The following PICALM variants were observed in gnomAD, a reference collection of about 807,000 sequenced individuals.
The protein encoded by PICALM is phosphatidylinositol-binding clathrin assembly protein.
PICALM carries 40 observed loss-of-function variants against 80.5 expected under a neutral mutation model. That is an observed-to-expected ratio of 0.50 (90% CI 0.39 to 0.65). The LOEUF is 0.65. PICALM is among the 30% of genes least tolerant of loss of function. The pLI is 0.00. For synonymous variants in PICALM, 288 were observed against 260.3 expected (o/e 1.11, Z -1.02); for missense variants, 676 against 778.9 (o/e 0.87, Z 1.57).
intron 13 of PICALM, among the ~76,000 whole-genome samples, chr11:85,985,733 C>T (rs1158827980): frequency 1.3e-5 from 2 of 152,154 alleles, no homozygotes; most frequent in Admixed American, 6.5e-5. Context: ...AATTATGTGT[C>T]CATGCTATCA....
At chr11:85,976,813 C>A in intron 17 of PICALM, 131 bp from the exon 18 acceptor site, 2 of 593,934 alleles carry the variant, frequency 3.4e-6, no homozygotes, top group South Asian at 2.2e-5. Flanking sequence ...CACTTGTGAT[C>A]ATTAAGAACT....
intron 2 of PICALM, among the ~76,000 whole-genome samples, chr11:86,030,117 A>T (rs930578139): frequency 1.3e-5 from 2 of 151,856 alleles, no homozygotes; most frequent in African/African-American, 4.8e-5. Context: ...TAAAGATGAT[A>T]AAAAAATACA....
intron 18 of PICALM, among the ~76,000 whole-genome samples, chr11:85,976,003 G>C (rs975398862): frequency 2.0e-5 from 3 of 152,172 alleles, no homozygotes; most frequent in Non-Finnish European, 4.4e-5. Context: ...TAACATAGCA[G>C]GCACAGTAGC....
intron 12 of PICALM, among the ~76,000 whole-genome samples, chr11:85,992,284 G>GTT (rs5793178): frequency 2.1e-5 from 3 of 141,646 alleles, no homozygotes; most frequent in Non-Finnish European, 4.6e-5. Context: ...GGTGTGTTTT[G>GTT]TTTTTTTTTT....
At chr11:85,969,698 T>C (rs749423640) in intron 19 of PICALM, 23 of 407,480 alleles carry the variant, frequency 5.6e-5, no homozygotes, top group Admixed American at 5.5e-4. Flanking sequence ...TTTTTCTTTT[T>C]AAAAAACAGA....
chr11:85,958,216 T>G lies in PICALM; in HGVS notation c.*830A>C. ...ATTTAAAATGTAGTGCTTTTCCTAG[T>G]CAGTGAACTGTTCCCTGGCAAAATC... On this transcript the variant is annotated 3_prime_UTR_variant, in exon 20 of 20. Coordinates refer to ENST00000393346, the MANE Select transcript of PICALM (RefSeq NM_007166.4). 1 of 222,600 alleles carries G rather than the reference T, an allele frequency of 4.5e-6. No homozygotes were observed. Among genetic ancestry groups the G allele is most frequent in the East Asian group, 6.6e-5 (1 of 15,200 alleles). The allele number at this position is 222,600 out of a possible 1,614,324, so 13.8% of individuals were successfully genotyped here.
intron 7 of PICALM, among the ~76,000 whole-genome samples, chr11:86,010,124 G>C (rs2095365892): frequency 6.6e-6 from 1 of 152,090 alleles, no homozygotes; most frequent in African/African-American, 2.4e-5. Context: ...TGGAGAATGG[G>C]AGAACAAACA....
At chr11:86,010,091 C>A (rs1006005897) in intron 7 of PICALM, among the ~76,000 whole-genome samples, 1 of 152,068 alleles carries the variant, frequency 6.6e-6, no homozygotes, top group Non-Finnish European at 1.5e-5. Context: ...AGGAAGAAAT[C>A]TTTGGTGGAG....
intron 16 of PICALM, 144 bp downstream of exon 16, chr11:85,981,601 C>T (rs1243788784): frequency 1.1e-5 from 7 of 647,266 alleles, no homozygotes; most frequent in African/African-American, 5.7e-5. Context: ...AGCGAGACTC[C>T]GTGTCAAAAA....
chr11:85,976,630 T>C lies in PICALM; in HGVS notation c.1832A>G (p.Tyr611Cys), dbSNP rs778388214. The C allele has an allele frequency of 1.3e-6, 2 of 1,590,394 alleles. No homozygotes were observed. Among genetic ancestry groups the C allele is most frequent in the Admixed American group, 3.3e-5 (2 of 59,998 alleles). ...PATTPTGMIG[Y>C]GIPPQMGSVP... is the part of the protein sequence containing the mutation. ...ACCTAGGAAAATACTTACAATTCCA[T>C]ATCCTATCATGCCTGTTGGTGTAGT... The change falls in exon 18 of 20, where the codon TAT becomes TGT. Residue 611 changes from tyrosine (Y) to cysteine (C), a missense_variant. This residue lies in a region of PICALM where 391 missense variants were observed against 383.6 expected (regional missense o/e 1.02). Transcript: ENST00000393346.
Position 85,990,241 on chromosome 11 carries a change from G to A in PICALM, c.1408+9C>T. The A allele has an allele frequency of 1.3e-6, 2 of 1,559,442 alleles. No individual in the cohort carries two copies. Among genetic ancestry groups the A allele is most frequent in the Non-Finnish European group, 1.8e-6 (2 of 1,138,224 alleles). On this transcript the variant is annotated intron_variant, in intron 13 of 19. Transcript: ENST00000393346. ...ATTGATTGGAAAAAAAGGTTAAATGGTACTTTACCAACAAACATTTCATGA... is the reference window on the plus strand; with the variant it reads ...ATTGATTGGAAAAAAAGGTTAAATGATACTTTACCAACAAACATTTCATGA...
At chr11:86,027,799 G>A (rs1593087279) in intron 2 of PICALM, among the ~76,000 whole-genome samples, 1 of 152,202 alleles carries the variant, frequency 6.6e-6, no homozygotes, top group South Asian at 2.1e-4. Flanking sequence ...AGGATTATAG[G>A]TATGAGAAAC....
intron 16 of PICALM, 75 bp from the exon 17 acceptor site, chr11:85,981,303 CAGAG>C: frequency 1.2e-6 from 1 of 868,464 alleles, no homozygotes; most frequent in Non-Finnish European, 1.9e-6. Context: ...TTATATAGAA[CAGAG>C]TAAGATAGAG....
chr11:86,060,106 C>A (rs1187055010), intron 1 of PICALM, among the ~76,000 whole-genome samples: 9 of 152,154 alleles, frequency 5.9e-5, no homozygotes, highest in Non-Finnish European at 1.3e-4. Context: ...CTGTTACCTA[C>A]AAAATCAAAT....
intron 1 of PICALM, 22 bp downstream of exon 1, chr11:86,068,615 CGCCGGGGAGCGGGG>C (rs754833098): frequency 1.9e-6 from 3 of 1,587,078 alleles, no homozygotes; most frequent in East Asian, 2.3e-5. Context: ...GTCGCGCGGG[CGCCGGGGAGCGGGG>C]GCCGCGGTCG....
At chr11:86,013,551 C>T (rs990678084) in intron 5 of PICALM, among the ~76,000 whole-genome samples, 1 of 151,902 alleles carries the variant, frequency 6.6e-6, no homozygotes, top group Admixed American at 6.6e-5. Context: ...TTGAGTGTAG[C>T]ACTGTTTAGG....
chr11:86,006,414 T>C (rs1269460250), intron 8 of PICALM, among the ~76,000 whole-genome samples: 1 of 152,104 alleles, frequency 6.6e-6, no homozygotes, highest in Non-Finnish European at 1.5e-5. Context: ...TTCGGAAGCC[T>C]AGGCGGGCAG....
At position 85,983,866 on chromosome 11, in the gene PICALM, C is replaced by T; in HGVS notation, c.1516G>A (p.Gly506Ser). 1 of 1,386,184 alleles carries T rather than the reference C, an allele frequency of 7.2e-7. No individual in the cohort carries two copies. The highest frequency in any genetic ancestry group is 1.3e-5 in the South Asian group (1 of 78,812). 85.9% of individuals were successfully genotyped at this position (1,386,184 alleles called of 1,614,324 possible). A position where few individuals can be genotyped will look rare whatever the true frequency, so the allele number is the denominator to read the frequency against. ...KSTNVIVDSG[G>S]FDELGGLLKP... ...TTTTAATAAAATTTTTTTTCCTTAC[C>T]CCCAGAATCTACAATAACATTTGTA... Residue 506 changes from glycine to serine, a missense_variant and splice_region_variant, in exon 14 of 20, where the codon GGC becomes AGC. Physicochemically the swap from Gly to Ser is moderately conservative, Grantham distance 56 (BLOSUM62 0). Transcript: ENST00000393346.
Position 85,976,685 on chromosome 11 carries a change from A to C in PICALM, c.1780-3T>G. On this transcript the variant is annotated splice_region_variant and splice_polypyrimidine_tract_variant and intron_variant, in intron 17 of 19. Coordinates refer to ENST00000393346, the MANE Select transcript of PICALM (RefSeq NM_007166.4). ...GGATAGGCCATTACAGGGGGTGCCT[A>C]ACATAGTGAAAGGAAAAATGAACAA... The C allele has an allele frequency of 6.4e-7, 1 of 1,570,154 alleles. No individual in the cohort carries two copies. Among genetic ancestry groups the C allele is most frequent in the Non-Finnish European group, 8.8e-7 (1 of 1,140,458 alleles).
Sources: gnomAD v4.1 joint callset for allele counts (sites outside exome capture counted in the v4.1 genomes callset) on GRCh38, gnomAD v4.1.1 for gene constraint, gnomAD v4.1.1 regional missense constraint, MANE v1.5 for transcripts, NCBI Gene and HGNC (gene_info 2026-07-23, HGNC 2026-07-21) for gene names.